ZZEF1: variants seen among roughly 807,000 people sequenced by gnomAD.
ZZEF1 encodes zinc finger ZZ-type and EF-hand domain-containing protein 1.
ZZEF1 carries 157 observed loss-of-function variants against 342.8 expected under a neutral mutation model. The ratio of observed to expected loss-of-function variants is 0.46; its 90% confidence interval spans 0.40 to 0.52. ZZEF1 has a LOEUF of 0.52. Among genes scored for constraint, ZZEF1 ranks in the 20% least tolerant of loss-of-function variants. ZZEF1 has a pLI of 0.00. For synonymous variants in ZZEF1, 1,505 were observed against 1,429.1 expected (o/e 1.05, Z -1.20); for missense variants, 3,480 against 3,725.6 (o/e 0.93, Z 1.72).
chr17:4,029,776 A>G (rs939608571), intron 42 of ZZEF1, among the ~76,000 whole-genome samples: 1 of 150,272 alleles, frequency 6.7e-6, no homozygotes, highest in East Asian at 2.0e-4. Flanking sequence ...CAGGAGGCTG[A>G]GGCAGGAGAA....
chr17:4,023,372 T>G (rs1468237650), intron 43 of ZZEF1, among the ~76,000 whole-genome samples: 1 of 152,138 alleles, frequency 6.6e-6, no homozygotes, highest in Non-Finnish European at 1.5e-5. Context: ...CACTACATAC[T>G]CAGTTCCATC....
At chr17:4,056,075 C>T (rs750152092) in intron 33 of ZZEF1, 141 bp downstream of exon 33, 42 of 836,464 alleles carry the variant, frequency 5.0e-5, no homozygotes, top group Non-Finnish European at 6.7e-5. Context: ...TCGCATTCAG[C>T]GGTTGGGGAC....
chr17:4,034,193 T>A lies in ZZEF1; in HGVS notation c.6406A>T (p.Thr2136Ser). ...AGHLNETYHL[T>S]LGLLGQLIIR... ...ATTAACTGGCCGAGAAGACCCAGGG[T>A]GAGATGGTAGGTTTCATTCAGGTGG... The change falls in exon 40 of 55, where the codon ACC (threonine) becomes TCC (serine). Residue 2136 changes from threonine to serine, a missense_variant. Physicochemically the swap from Thr to Ser is moderately conservative, Grantham distance 58. Transcript: ENST00000381638. The A allele has an allele frequency of 3.1e-6, 5 of 1,613,834 alleles. No homozygotes were observed. Among genetic ancestry groups the A allele is most frequent in the Non-Finnish European group, 4.2e-6 (5 of 1,179,960 alleles).
At chr17:4,131,216 T>C (rs765614320) in intron 1 of ZZEF1, among the ~76,000 whole-genome samples, 7 of 152,026 alleles carry the variant, frequency 4.6e-5, no homozygotes, top group Non-Finnish European at 7.3e-5. Flanking sequence ...ATCCCCAGGA[T>C]GACGGAGCTT....
At chr17:4,137,404 A>G (rs1458787686) in intron 1 of ZZEF1, among the ~76,000 whole-genome samples, 1 of 152,128 alleles carries the variant, frequency 6.6e-6, no homozygotes, top group Non-Finnish European at 1.5e-5. Context: ...AGGTCAGGAG[A>G]TCGAGACCAT....
intron 9 of ZZEF1, among the ~76,000 whole-genome samples, chr17:4,099,068 A>G (rs1006437250): frequency 2.0e-5 from 3 of 152,262 alleles, no homozygotes; most frequent in African/African-American, 7.2e-5. Flanking sequence ...ATTTAAGTCA[A>G]CAGAATCGGA....
intron 1 of ZZEF1, among the ~76,000 whole-genome samples, chr17:4,130,128 C>T (rs895639223): frequency 2.6e-5 from 4 of 152,078 alleles, no homozygotes; most frequent in African/African-American, 9.7e-5. Context: ...AACAAAACTG[C>T]ACATGTACCC....
At chr17:4,081,813 T>C (rs79760850) in intron 17 of ZZEF1, among the ~76,000 whole-genome samples, 2,544 of 147,792 alleles carry the variant, frequency 0.017, 42 homozygotes, top group South Asian at 0.028. Flanking sequence ...TGGCTAAACG[T>C]TCCTTGTGTC....
At chr17:4,027,325 G>A (rs1190498553) in intron 42 of ZZEF1, among the ~76,000 whole-genome samples, 5 of 109,012 alleles carry the variant, frequency 4.6e-5, no homozygotes, top group South Asian at 5.7e-4. Flanking sequence ...GAGAAGTCTC[G>A]CTCTTGTTCC....
chr17:4,066,041 C>T (rs1055728590), intron 28 of ZZEF1, among the ~76,000 whole-genome samples: 2 of 152,088 alleles, frequency 1.3e-5, no homozygotes, highest in Non-Finnish European at 2.9e-5. Flanking sequence ...GTGGCACCTG[C>T]TTGATGTCCC....
At chr17:4,052,264 G>A (rs1039779219) in intron 34 of ZZEF1, 128 bp from the exon 35 acceptor site, 9 of 866,302 alleles carry the variant, frequency 1.0e-5, no homozygotes, top group Admixed American at 6.3e-5. Context: ...AGGGCCCACA[G>A]GCGTTCTCTG....
intron 18 of ZZEF1, among the ~76,000 whole-genome samples, chr17:4,078,698 G>C (rs1456491884): frequency 2.0e-5 from 3 of 152,212 alleles, no homozygotes; most frequent in Non-Finnish European, 2.9e-5. Flanking sequence ...CCTTAAAAGA[G>C]ACACTTGCCA....
intron 11 of ZZEF1, among the ~76,000 whole-genome samples, chr17:4,092,016 C>T (rs1419887261): frequency 2.7e-5 from 4 of 150,316 alleles, no homozygotes; most frequent in South Asian, 2.1e-4. Context: ...GCGGAGGTTG[C>T]GGTGAGCCAA....
At chr17:4,117,719 A>G (rs888877429) in intron 2 of ZZEF1, among the ~76,000 whole-genome samples, 2 of 151,876 alleles carry the variant, frequency 1.3e-5, no homozygotes, top group Non-Finnish European at 1.5e-5. Flanking sequence ...TAGAATAACG[A>G]TTTTTTGTTT....
intron 2 of ZZEF1, among the ~76,000 whole-genome samples, chr17:4,117,394 C>T (rs1452820722): frequency 6.6e-6 from 1 of 152,066 alleles, no homozygotes; most frequent in East Asian, 1.9e-4. Context: ...GCCTGTAATC[C>T]CAGCACTTTG....
At chr17:4,108,524 G>A (rs1489678865) in intron 6 of ZZEF1, among the ~76,000 whole-genome samples, 1 of 152,154 alleles carries the variant, frequency 6.6e-6, no homozygotes, top group Non-Finnish European at 1.5e-5. Flanking sequence ...TTGCTGTAAG[G>A]GGCGTGACTG....
rs950402170 is a variant in ZZEF1 at position 4,026,512 on chromosome 17, CT to C, written c.6893-1395del. ...AAGCCAGAAGACAATAGACAAACAT[CT>C]TTTTTTTTTCTTTTTTTTTTTTTTG... On this transcript the variant is annotated intron_variant, in intron 42 of 54. Transcript: ENST00000381638. 6.4e-3 allele frequency among the ~76,000 whole-genome samples: 945 copies of C among 147,614 alleles called. 15 individuals carry two copies. The highest frequency in any genetic ancestry group is 0.021 in the African/African-American group (870 of 40,486).
intron 1 of ZZEF1, among the ~76,000 whole-genome samples, chr17:4,126,636 G>GT (rs1451555808): frequency 6.6e-6 from 1 of 152,186 alleles, no homozygotes; most frequent in Admixed American, 6.5e-5. Context: ...GAAAGTGGAT[G>GT]TAAGTGGTAA....
At chr17:4,139,261 A>G (rs1188229273) in intron 1 of ZZEF1, among the ~76,000 whole-genome samples, 1 of 152,140 alleles carries the variant, frequency 6.6e-6, no homozygotes, top group Non-Finnish European at 1.5e-5. Flanking sequence ...AACTGAGGTC[A>G]CAGGAATGTG....
Sources: allele counts gnomAD v4.1 joint callset (sites outside exome capture counted in the v4.1 genomes callset), GRCh38; gene constraint gnomAD v4.1.1; transcripts MANE v1.5; gene names NCBI Gene and HGNC (gene_info 2026-07-23, HGNC 2026-07-21).